CACNA2D3: variants seen among roughly 807,000 people sequenced by gnomAD.
The protein encoded by CACNA2D3 is calcium voltage-gated channel auxiliary subunit alpha2delta 3.
Under a neutral mutation model 160.6 loss-of-function variants are expected in CACNA2D3, and 60 were observed. The ratio of observed to expected loss-of-function variants is 0.37; its 90% CI spans 0.30 to 0.46. CACNA2D3 has a LOEUF of 0.46. Ranked by LOEUF, CACNA2D3 falls within the 20% of genes least tolerant of loss-of-function variation. The pLI is 1.00. For missense variants in CACNA2D3, 1,205 were observed against 1,365.0 expected, an observed-to-expected ratio of 0.88 and a Z score of 1.85; for synonymous variants, 558 against 492.9, an observed-to-expected ratio of 1.13 and a Z score of -1.75.
chr3:54,420,266 G>A (rs1375047061), intron 4 of CACNA2D3, among the ~76,000 whole-genome samples: 3 of 152,046 alleles, frequency 2.0e-5, no homozygotes, highest in Admixed American at 1.3e-4. Flanking sequence ...TGTATTTTTA[G>A]TAGAGATGGG....
chr3:55,050,469 A>C (rs1368568081), intron 35 of CACNA2D3, among the ~76,000 whole-genome samples: 1 of 151,222 alleles, frequency 6.6e-6, no homozygotes, highest in Non-Finnish European at 1.5e-5. Flanking sequence ...CTGCCGAGAG[A>C]TCCGCTGTTA....
chr3:54,805,899 T>G (rs1425760442), intron 13 of CACNA2D3, among the ~76,000 whole-genome samples: 2 of 152,096 alleles, frequency 1.3e-5, no homozygotes, highest in East Asian at 1.9e-4. Context: ...TGGTTCAATA[T>G]ATGCAAATCA....
intron 4 of CACNA2D3, among the ~76,000 whole-genome samples, chr3:54,391,074 G>A (rs185424499): frequency 1.3e-5 from 2 of 151,822 alleles, no homozygotes; most frequent in African/African-American, 2.4e-5. Flanking sequence ...CTTAGCTTCC[G>A]TCTTCCCAAA....
chr3:54,461,937 C>G (rs573245503), intron 4 of CACNA2D3, among the ~76,000 whole-genome samples: 89 of 152,342 alleles, frequency 5.8e-4, no homozygotes, highest in African/African-American at 2.0e-3. Context: ...TCCCTCTACA[C>G]ACTGCTTTGA....
At chr3:54,959,704 C>T (rs1392845229) in intron 27 of CACNA2D3, among the ~76,000 whole-genome samples, 2 of 152,108 alleles carry the variant, frequency 1.3e-5, no homozygotes, top group Non-Finnish European at 2.9e-5. Context: ...AAGCCCGAGG[C>T]TTAAATGTTT....
chr3:54,234,040 C>T (rs1701827243), intron 2 of CACNA2D3, among the ~76,000 whole-genome samples: 1 of 152,020 alleles, frequency 6.6e-6, no homozygotes, highest in South Asian at 2.1e-4. Flanking sequence ...AGAATGTCTG[C>T]ACAGCAAAAT....
At chr3:54,811,465 C>CTTTTTTTTTTTTTTTTTTTTTTTTTTT (rs71096451) in intron 13 of CACNA2D3, among the ~76,000 whole-genome samples, 2 of 111,620 alleles carry the variant, frequency 1.8e-5, no homozygotes, top group East Asian at 3.0e-4. Flanking sequence ...TCCCTCAGTT[C>CTTTTTTTTTTTTTTTTTTTTTTTTTTT]TTTTTTTTTT....
chr3:54,439,903 T>C (rs1700117221), intron 4 of CACNA2D3, among the ~76,000 whole-genome samples: 1 of 152,156 alleles, frequency 6.6e-6, no homozygotes, highest in South Asian at 2.1e-4. Context: ...GACATTTATA[T>C]TGTGTCACCA....
chr3:54,697,001 A>G (rs1700677694), intron 11 of CACNA2D3, among the ~76,000 whole-genome samples: 1 of 152,052 alleles, frequency 6.6e-6, no homozygotes, highest in African/African-American at 2.4e-5. Context: ...TCTTGGCCAG[A>G]CGCTGTGACT....
At chr3:54,482,909 A>G (rs1700956644) in intron 4 of CACNA2D3, among the ~76,000 whole-genome samples, 1 of 152,120 alleles carries the variant, frequency 6.6e-6, no homozygotes, top group African/African-American at 2.4e-5. Context: ...TCTGCTCACA[A>G]CCCATTGGCC....
At chr3:54,687,145 T>TC (rs1700477290) in intron 11 of CACNA2D3, among the ~76,000 whole-genome samples, 1 of 74,598 alleles carries the variant, frequency 1.3e-5, no homozygotes, top group African/African-American at 6.2e-5. Context: ...GTTTTTTTTT[T>TC]TTTTTGTTTT....
intron 11 of CACNA2D3, among the ~76,000 whole-genome samples, chr3:54,685,330 GT>G (rs1387771442): frequency 1.3e-5 from 2 of 152,228 alleles, no homozygotes; most frequent in East Asian, 3.8e-4. Flanking sequence ...CTGTGTTGCA[GT>G]TACTTAAGTC....
intron 2 of CACNA2D3, among the ~76,000 whole-genome samples, chr3:54,200,487 G>C (rs902055185): frequency 2.0e-5 from 3 of 152,190 alleles, no homozygotes; most frequent in African/African-American, 7.2e-5. Flanking sequence ...GAGAATATTT[G>C]TGAAGTGGAA....
At chr3:54,812,845 C>T (rs940800584) in intron 13 of CACNA2D3, among the ~76,000 whole-genome samples, 2 of 152,192 alleles carry the variant, frequency 1.3e-5, no homozygotes, top group Non-Finnish European at 2.9e-5. Flanking sequence ...TTGTCTGTTT[C>T]CTCACCTGTA....
chr3:54,801,930 C>A (rs1252831193), intron 13 of CACNA2D3, among the ~76,000 whole-genome samples: 2 of 152,006 alleles, frequency 1.3e-5, no homozygotes, highest in East Asian at 1.9e-4. Context: ...TACATAGATA[C>A]CATTTTACCC....
At chr3:54,977,000 A>G (rs1702404768) in intron 29 of CACNA2D3, among the ~76,000 whole-genome samples, 1 of 152,220 alleles carries the variant, frequency 6.6e-6, no homozygotes, top group Admixed American at 6.5e-5. Flanking sequence ...ATAAAGTGGA[A>G]AGTATGAAAC....
chr3:54,728,576 T>G (rs930053334), intron 11 of CACNA2D3, among the ~76,000 whole-genome samples: 4 of 152,326 alleles, frequency 2.6e-5, no homozygotes, highest in South Asian at 2.1e-4. Context: ...CTGGCTCTGT[T>G]TCTTGGCATG....
intron 2 of CACNA2D3, among the ~76,000 whole-genome samples, chr3:54,262,824 G>A (rs1702429701): frequency 6.6e-6 from 1 of 152,212 alleles, no homozygotes; most frequent in African/African-American, 2.4e-5. Context: ...AGTGCTGGGA[G>A]TGGAGACGAT....
intron 2 of CACNA2D3, among the ~76,000 whole-genome samples, chr3:54,126,215 G>T (rs981014656): frequency 6.6e-6 from 1 of 152,108 alleles, no homozygotes; most frequent in Non-Finnish European, 1.5e-5. Context: ...AGTCATTTTT[G>T]CACTAAAACA....
Sources: allele counts gnomAD v4.1 joint callset (sites outside exome capture counted in the v4.1 genomes callset), GRCh38; gene constraint gnomAD v4.1.1; transcripts MANE v1.5; gene names NCBI Gene and HGNC (gene_info 2026-07-23, HGNC 2026-07-21).